Variants in GAB2 observed in about 807,000 individuals in gnomAD.
GAB2 encodes GRB2-associated-binding protein 2.
In GAB2, 26 loss-of-function variants were observed where a neutral mutation model predicts 65.5. That is an observed-to-expected ratio of 0.40 (90% CI 0.29 to 0.55). GAB2 has a LOEUF of 0.55. Among genes scored for constraint, GAB2 ranks in the 20% least tolerant of loss-of-function variants. GAB2 has a pLI of 0.53. For missense variants in GAB2, 884 were observed against 875.8 expected (o/e 1.01, Z -0.12); for synonymous variants, 321 against 329.6 (o/e 0.97, Z 0.28).
intron 1 of GAB2, among the ~76,000 whole-genome samples, chr11:78,364,557 A>C (rs1289489093): frequency 2.0e-5 from 3 of 152,212 alleles, no homozygotes; most frequent in African/African-American, 7.2e-5. Flanking sequence ...TTCATCACCT[A>C]CGAATAGAGC....
At chr11:78,380,323 G>A (rs1391978834) in intron 1 of GAB2, among the ~76,000 whole-genome samples, 1 of 152,000 alleles carries the variant, frequency 6.6e-6, no homozygotes, top group Non-Finnish European at 1.5e-5. Context: ...TTCTGCCTCA[G>A]CCTCCCAAGT....
chr11:78,413,789 A>G (rs1038905227), intron 1 of GAB2, among the ~76,000 whole-genome samples: 51 of 152,148 alleles, frequency 3.4e-4, no homozygotes, highest in African/African-American at 1.2e-3. Flanking sequence ...AGGAAACAAG[A>G]AAGGAACCAT....
intron 1 of GAB2, among the ~76,000 whole-genome samples, chr11:78,415,690 C>CATCAT (rs1857186373): frequency 2.6e-5 from 4 of 152,148 alleles, no homozygotes; most frequent in African/African-American, 9.7e-5. Context: ...AGGCTAAGGC[C>CATCAT]ATCATACGAC....
At chr11:78,224,975 G>T in intron 5 of GAB2, 133 bp downstream of exon 5, 1 of 640,982 alleles carries the variant, frequency 1.6e-6, no homozygotes. Flanking sequence ...GTTCTGAACT[G>T]AGACAAGAAC....
At chr11:78,289,790 G>A (rs986494378) in intron 1 of GAB2, among the ~76,000 whole-genome samples, 10 of 149,060 alleles carry the variant, frequency 6.7e-5, no homozygotes, top group Non-Finnish European at 1.2e-4. Flanking sequence ...TTTGATATGC[G>A]GTTTTGGAAA....
chr11:78,227,812 G>A (rs770921869), intron 3 of GAB2, among the ~76,000 whole-genome samples: 1 of 151,748 alleles, frequency 6.6e-6, no homozygotes, highest in Non-Finnish European at 1.5e-5. Context: ...AAAAACACAC[G>A]CCCCAACACA....
intron 1 of GAB2, among the ~76,000 whole-genome samples, 167 bp from the exon 2 acceptor site, chr11:78,281,068 C>T (rs1866321194): frequency 6.6e-6 from 1 of 152,160 alleles, no homozygotes; most frequent in African/African-American, 2.4e-5. Context: ...ATCCTCCCAC[C>T]TCAGCCTCCT....
chr11:78,322,811 AAAC>A (rs1855751263), intron 1 of GAB2, among the ~76,000 whole-genome samples: 1 of 151,872 alleles, frequency 6.6e-6, no homozygotes, highest in Non-Finnish European at 1.5e-5. Context: ...AAAAAAAAAA[AAAC>A]AACAACAGAT....
At chr11:78,315,279 C>T (rs1358825438) in intron 1 of GAB2, among the ~76,000 whole-genome samples, 1 of 152,162 alleles carries the variant, frequency 6.6e-6, no homozygotes, top group African/African-American at 2.4e-5. Flanking sequence ...TTCAAAATGG[C>T]TTTCCCCCCT....
At chr11:78,232,535 ATAT>A (rs2134484580) in intron 3 of GAB2, among the ~76,000 whole-genome samples, 1 of 152,314 alleles carries the variant, frequency 6.6e-6, no homozygotes. Context: ...TTGGCAATAG[ATAT>A]TATTCTGAAT....
chr11:78,342,669 A>C (rs1856118787), intron 1 of GAB2, among the ~76,000 whole-genome samples: 1 of 152,060 alleles, frequency 6.6e-6, no homozygotes, highest in South Asian at 2.1e-4. Flanking sequence ...CGGCCTCCCA[A>C]AGTGCTGGGA....
intron 1 of GAB2, among the ~76,000 whole-genome samples, chr11:78,350,091 A>C (rs1406917404): frequency 6.6e-6 from 1 of 152,190 alleles, no homozygotes; most frequent in African/African-American, 2.4e-5. Flanking sequence ...CATTGAAAAA[A>C]AAGTTAGGCA....
chr11:78,350,938 C>G (rs1181364145), intron 1 of GAB2, among the ~76,000 whole-genome samples: 1 of 152,228 alleles, frequency 6.6e-6, no homozygotes, highest in East Asian at 1.9e-4. Context: ...CACAACCCGA[C>G]AGGGGAACTG....
At chr11:78,304,532 A>G (rs1855308125) in intron 1 of GAB2, among the ~76,000 whole-genome samples, 1 of 152,228 alleles carries the variant, frequency 6.6e-6, no homozygotes, top group East Asian at 1.9e-4. Flanking sequence ...TAGACTCTGG[A>G]GAGACAAAGA....
At chr11:78,295,478 T>C (rs1019155733) in intron 1 of GAB2, among the ~76,000 whole-genome samples, 4 of 152,108 alleles carry the variant, frequency 2.6e-5, no homozygotes, top group African/African-American at 9.7e-5. Flanking sequence ...CTACACAAAC[T>C]CTCCCTTCCT....
rs753913211 is a variant in GAB2, at chr11:78,227,067, G to A, written c.621-16C>T. On this transcript the variant is annotated splice_polypyrimidine_tract_variant and intron_variant, in intron 3 of 9. Coordinates refer to ENST00000361507, the MANE Select transcript of GAB2 (RefSeq NM_080491.3). ...GCTGGCACTCCTAAAAGAGAAAGAAGGGAAAGGGCAGGAGGGTGAGACAAT... is the reference window on the plus strand; with the variant it reads ...GCTGGCACTCCTAAAAGAGAAAGAAAGGAAAGGGCAGGAGGGTGAGACAAT... The A allele has an allele frequency of 6.5e-7, 1 of 1,534,776 alleles. No homozygotes were observed. Among genetic ancestry groups the A allele is most frequent in the African/African-American group, 1.4e-5 (1 of 73,502 alleles).
At chr11:78,355,975 C>T (rs1856353266) in intron 1 of GAB2, among the ~76,000 whole-genome samples, 1 of 151,756 alleles carries the variant, frequency 6.6e-6, no homozygotes, top group Admixed American at 6.6e-5. Flanking sequence ...GAGTTCAAGA[C>T]CAGACTGGCC....
chr11:78,307,021 T>C (rs1470666130), intron 1 of GAB2, among the ~76,000 whole-genome samples: 1 of 152,224 alleles, frequency 6.6e-6, no homozygotes, highest in Admixed American at 6.5e-5. Context: ...ATGGAACTGA[T>C]CACAGCAAGT....
intron 1 of GAB2, among the ~76,000 whole-genome samples, chr11:78,342,458 G>A (rs1302211366): frequency 7.4e-6 from 1 of 135,726 alleles, no homozygotes; most frequent in Non-Finnish European, 1.5e-5. Flanking sequence ...CGCCCAGGCT[G>A]GAGTGCAGTG....
Sources: allele counts gnomAD v4.1 joint callset (sites outside exome capture counted in the v4.1 genomes callset), GRCh38; gene constraint gnomAD v4.1.1; transcripts MANE v1.5; gene names NCBI Gene and HGNC (gene_info 2026-07-23, HGNC 2026-07-21).